MCC: variants seen among roughly 807,000 people sequenced by gnomAD.
MCC encodes colorectal mutant cancer protein.
MCC carries 90 observed loss-of-function variants against 116.2 expected under a neutral mutation model. The observed-to-expected ratio is 0.77, with a 90% CI of 0.65 to 0.92. The LOEUF (loss-of-function observed/expected upper bound fraction) is 0.92, where lower values mean the gene tolerates loss of function less well. MCC is among the 40% of genes least tolerant of loss of function. The pLI, the probability that MCC is intolerant of heterozygous loss-of-function variation, is 0.00. For synonymous variants in MCC, 578 were observed against 510.5 expected (o/e 1.13, Z -1.78); for missense variants, 1,516 against 1,312.2 (o/e 1.16, Z -2.40).
At chr5:113,096,293 C>G (rs182266516) in intron 8 of MCC, among the ~76,000 whole-genome samples, 2 of 152,336 alleles carry the variant, frequency 1.3e-5, no homozygotes, top group African/African-American at 4.8e-5. Context: ...CTGCCTCTCC[C>G]TTCCTTGTCT....
intron 3 of MCC, among the ~76,000 whole-genome samples, chr5:113,332,288 C>G (rs765047802): frequency 2.4e-4 from 37 of 151,550 alleles, no homozygotes; most frequent in Admixed American, 6.6e-5. Flanking sequence ...AAGCAATCCT[C>G]CCACCTCAGC....
intron 1 of MCC, among the ~76,000 whole-genome samples, chr5:113,475,997 C>T (rs1276865653): frequency 1.3e-5 from 2 of 152,014 alleles, no homozygotes; most frequent in African/African-American, 2.4e-5. Flanking sequence ...TAAACATATG[C>T]CATTATTACT....
chr5:113,195,828 A>G (rs1266935015), intron 3 of MCC, among the ~76,000 whole-genome samples: 1 of 152,066 alleles, frequency 6.6e-6, no homozygotes, highest in Non-Finnish European at 1.5e-5. Flanking sequence ...AAATACCACC[A>G]TCTGGCTTTC....
intron 8 of MCC, among the ~76,000 whole-genome samples, chr5:113,091,857 C>T (rs1755666152): frequency 2.6e-5 from 4 of 151,468 alleles, no homozygotes; most frequent in Admixed American, 2.6e-4. Context: ...CACTGGACTC[C>T]AGCCTGGGTG....
intron 3 of MCC, among the ~76,000 whole-genome samples, chr5:113,183,096 T>C (rs1761712449): frequency 6.6e-6 from 1 of 152,194 alleles, no homozygotes; most frequent in Admixed American, 6.5e-5. Context: ...ATAGGATTTA[T>C]ACCAGGTCCG....
intron 4 of MCC, among the ~76,000 whole-genome samples, chr5:113,147,410 G>A (rs777495574): frequency 3.9e-5 from 6 of 151,984 alleles, no homozygotes; most frequent in East Asian, 1.9e-4. Context: ...GTTCTTCACC[G>A]GGTTTTATCT....
chr5:113,446,862 G>A (rs1771234390), intron 1 of MCC, among the ~76,000 whole-genome samples: 1 of 152,108 alleles, frequency 6.6e-6, no homozygotes, highest in African/African-American at 2.4e-5. Context: ...CACTACCTGA[G>A]TAACAATATC....
intron 3 of MCC, among the ~76,000 whole-genome samples, chr5:113,154,044 G>A (rs1272516952): frequency 6.6e-6 from 1 of 152,206 alleles, no homozygotes; most frequent in Non-Finnish European, 1.5e-5. Flanking sequence ...TAATAAAATT[G>A]CAACAGAAAA....
intron 1 of MCC, among the ~76,000 whole-genome samples, chr5:113,487,249 C>T (rs1347140684): frequency 1.3e-5 from 2 of 150,456 alleles, no homozygotes; most frequent in Non-Finnish European, 2.9e-5. Flanking sequence ...CCCGGATTTT[C>T]AGAAACGATC....
chr5:113,260,550 C>A (rs1305440487), intron 3 of MCC, among the ~76,000 whole-genome samples: 1 of 152,086 alleles, frequency 6.6e-6, no homozygotes, highest in Non-Finnish European at 1.5e-5. Context: ...GTACTTTCCC[C>A]AAATTGAACA....
chr5:113,130,489 A>T (rs1192180703), intron 5 of MCC, among the ~76,000 whole-genome samples: 6 of 152,134 alleles, frequency 3.9e-5, no homozygotes, highest in African/African-American at 1.4e-4. Flanking sequence ...AAAAAATGAA[A>T]AAAAGGCAAT....
intron 1 of MCC, 76 bp downstream of exon 1, chr5:113,488,169 G>C (rs949750984): frequency 3.6e-6 from 5 of 1,383,740 alleles, no homozygotes; most frequent in Middle Eastern, 3.8e-4. Context: ...TTGGGGCGAG[G>C]GGGCAGAGCA....
chr5:113,222,307 G>T (rs1763580408), intron 3 of MCC, among the ~76,000 whole-genome samples: 2 of 152,058 alleles, frequency 1.3e-5, no homozygotes, highest in African/African-American at 4.8e-5. Flanking sequence ...ATATATTATT[G>T]GGTTTGATTT....
At chr5:113,448,783 T>C (rs1771297301) in intron 1 of MCC, among the ~76,000 whole-genome samples, 1 of 152,180 alleles carries the variant, frequency 6.6e-6, no homozygotes, top group Non-Finnish European at 1.5e-5. Context: ...TCAATGCTAA[T>C]GGGGAAGAAG....
chr5:113,249,142 C>T (rs907032089), intron 3 of MCC, among the ~76,000 whole-genome samples: 4 of 136,890 alleles, frequency 2.9e-5, no homozygotes, highest in African/African-American at 1.4e-4. Context: ...GCACCCAGCT[C>T]TCTCTCTCTC....
chr5:113,040,128 C>A (rs191735985), intron 17 of MCC, among the ~76,000 whole-genome samples: 10 of 151,658 alleles, frequency 6.6e-5, no homozygotes, highest in Non-Finnish European at 1.2e-4. Context: ...TAAATGTTCA[C>A]CGAAGTAGGG....
At chr5:113,450,937 C>G (rs1771374353) in intron 1 of MCC, among the ~76,000 whole-genome samples, 1 of 152,190 alleles carries the variant, frequency 6.6e-6, no homozygotes, top group Non-Finnish European at 1.5e-5. Context: ...GTAATTCATC[C>G]TTTCTGAAGA....
intron 1 of MCC, among the ~76,000 whole-genome samples, chr5:113,462,210 G>T (rs1053452261): frequency 2.0e-5 from 3 of 152,216 alleles, no homozygotes; most frequent in Non-Finnish European, 4.4e-5. Flanking sequence ...TCCATGTGGG[G>T]ATGTGACTCT....
chr5:113,210,057 C>T (rs1457106312), intron 3 of MCC, among the ~76,000 whole-genome samples: 1 of 152,180 alleles, frequency 6.6e-6, no homozygotes, highest in African/African-American at 2.4e-5. Flanking sequence ...CTTCTCACCG[C>T]AGCCATAATG....
Sources: allele counts gnomAD v4.1 joint callset (sites outside exome capture counted in the v4.1 genomes callset), GRCh38; gene constraint gnomAD v4.1.1; transcripts MANE v1.5; gene names NCBI Gene and HGNC (gene_info 2026-07-23, HGNC 2026-07-21).